TMTC4: variants seen among roughly 807,000 people sequenced by gnomAD.
TMTC4 encodes the protein protein O-mannosyl-transferase TMTC4.
In TMTC4, 65 loss-of-function variants were observed where a neutral mutation model predicts 86.0. That is an observed-to-expected ratio of 0.76 (90% CI 0.62 to 0.93). The LOEUF is 0.93. Among genes scored for constraint, TMTC4 ranks in the 40% least tolerant of loss-of-function variants. The pLI is 0.00. For missense variants in TMTC4, 866 were observed against 948.1 expected, an observed-to-expected ratio of 0.91 and a Z score of 1.14; for synonymous variants, 379 against 382.5, an observed-to-expected ratio of 0.99 and a Z score of 0.11.
intron 10 of TMTC4, 121 bp downstream of exon 10, chr13:100,636,411 A>C: frequency 8.3e-7 from 1 of 1,209,098 alleles, no homozygotes. Context: ...ATAAATATGC[A>C]TTTGAAACAA....
chr13:100,624,575 CAAA>C (rs1880157126), intron 15 of TMTC4: 1 of 6,848 alleles, frequency 1.5e-4, no homozygotes, highest in Non-Finnish European at 5.7e-4. Context: ...CAAAACAAAA[CAAA>C]CAAACAAACA....
chr13:100,631,583 T>C (rs1044610478), intron 12 of TMTC4, among the ~76,000 whole-genome samples: 2 of 152,218 alleles, frequency 1.3e-5, no homozygotes, highest in African/African-American at 4.8e-5. Context: ...GTCTACCATA[T>C]GCAAGGCACT....
At chr13:100,674,381 G>C in intron 1 of TMTC4, 2 of 964,058 alleles carry the variant, frequency 2.1e-6, no homozygotes, top group Non-Finnish European at 2.5e-6. Flanking sequence ...GGGACGCGCC[G>C]CAGGCGCCGG....
chr13:100,661,219 T>C lies in TMTC4; in HGVS notation c.552+1745A>G, dbSNP rs151231360. Among the ~76,000 whole-genome samples, 585 of 152,326 alleles carry C rather than the reference T, an allele frequency of 3.8e-3. 5 individuals carry two copies. Among genetic ancestry groups the C allele is most frequent in the African/African-American group, 0.013 (558 of 41,572 alleles). ...TCAGTTTCCTTTTAACCATCTGGAA[T>C]GTGGACTTTCAAGATTACCATGTTC... On this transcript the variant is annotated intron_variant, in intron 5 of 18. Transcript: ENST00000342624.
upstream of TMTC4, chr13:100,674,827 G>A (rs927938313): frequency 1.0e-6 from 1 of 976,532 alleles, no homozygotes; most frequent in Non-Finnish European, 1.2e-6. Context: ...GGACCTGGCA[G>A]GGGGAGGGGC....
At position 100,662,950 on chromosome 13, in the gene TMTC4, C is replaced by T; in HGVS notation, c.552+14G>A. 2 of 1,612,864 alleles carry T rather than the reference C, an allele frequency of 1.2e-6. No individual in the cohort carries two copies. The highest frequency in any genetic ancestry group is 2.2e-5 in the South Asian group (2 of 90,930). On this transcript the variant is annotated intron_variant, in intron 5 of 18. Coordinates refer to ENST00000342624, the MANE Select transcript of TMTC4 (RefSeq NM_032813.5). ...CTCACGTGCATACAGATGCCTCGGGCAGACGACACTTACACACTCGGTGTG... is the reference window on the plus strand; with the variant it reads ...CTCACGTGCATACAGATGCCTCGGGTAGACGACACTTACACACTCGGTGTG...
chr13:100,659,441 A>C (rs1885502008), intron 5 of TMTC4, among the ~76,000 whole-genome samples: 1 of 152,128 alleles, frequency 6.6e-6, no homozygotes, highest in Admixed American at 6.5e-5. Flanking sequence ...CTACAGGCAG[A>C]ACTCTTAAGG....
At chr13:100,632,825 C>G (rs1052251628) in intron 12 of TMTC4, among the ~76,000 whole-genome samples, 7 of 152,172 alleles carry the variant, frequency 4.6e-5, no homozygotes, top group African/African-American at 1.4e-4. Flanking sequence ...CTCCCCGTCT[C>G]CACCCAGGAG....
intron 12 of TMTC4, among the ~76,000 whole-genome samples, chr13:100,629,949 T>C (rs1379533499): frequency 6.6e-6 from 1 of 152,032 alleles, no homozygotes; most frequent in East Asian, 1.9e-4. Flanking sequence ...CCAACCCTGC[T>C]GACACCCTGA....
intron 6 of TMTC4, among the ~76,000 whole-genome samples, chr13:100,652,886 C>A (rs904542447): frequency 2.6e-5 from 4 of 152,172 alleles, no homozygotes; most frequent in African/African-American, 9.7e-5. Flanking sequence ...TCTTTGTATC[C>A]CCAGCACCGG....
intron 16 of TMTC4, 50 bp downstream of exon 16, chr13:100,614,265 AT>A (rs746342112): frequency 7.2e-7 from 1 of 1,395,428 alleles, no homozygotes; most frequent in Non-Finnish European, 1.0e-6. Flanking sequence ...CTTCGGTGGC[AT>A]TTTACTGTGG....
chr13:100,604,850 C>A lies in TMTC4; in HGVS notation c.*144G>T. On this transcript the variant is annotated 3_prime_UTR_variant, in exon 19 of 19. Transcript: ENST00000342624. Reference sequence around the variant, plus strand: ...AAGAGTATATTGCTGGTGCTATAATCTTTTTGCATGTCTTTGTTTTCATAG... The same window carrying A: ...AAGAGTATATTGCTGGTGCTATAATATTTTTGCATGTCTTTGTTTTCATAG... 1.1e-6 allele frequency: 1 copy of A among 902,952 alleles called. No individual in the cohort carries two copies. The highest frequency in any genetic ancestry group is 1.6e-6 in the Non-Finnish European group (1 of 643,508). The allele number at this position is 902,952 out of a possible 1,614,324, so 55.9% of individuals were successfully genotyped here.
chr13:100,620,746 A>G (rs1879340693), intron 15 of TMTC4, among the ~76,000 whole-genome samples: 1 of 152,198 alleles, frequency 6.6e-6, no homozygotes, highest in African/African-American at 2.4e-5. Flanking sequence ...ATTCCACAAG[A>G]GAACTGCCTT....
At chr13:100,628,280 G>A (rs1441624847) in intron 12 of TMTC4, among the ~76,000 whole-genome samples, 1 of 152,188 alleles carries the variant, frequency 6.6e-6, no homozygotes, top group East Asian at 1.9e-4. Flanking sequence ...CCTCATGTAA[G>A]TGGAATTGTA....
chr13:100,655,236 T>C (rs1594350403), intron 6 of TMTC4, among the ~76,000 whole-genome samples: 1 of 152,258 alleles, frequency 6.6e-6, no homozygotes, highest in East Asian at 1.9e-4. Context: ...TTGGCTATGC[T>C]GGTCTCGAAC....
At chr13:100,656,833 C>T (rs747131676) in intron 5 of TMTC4, among the ~76,000 whole-genome samples, 77 of 152,034 alleles carry the variant, frequency 5.1e-4, no homozygotes, top group Admixed American at 5.9e-4. Context: ...TGTGAGCCAC[C>T]GTGCCTAGCC....
At chr13:100,654,999 GAA>G (rs1884902426) in intron 6 of TMTC4, among the ~76,000 whole-genome samples, 1 of 146,078 alleles carries the variant, frequency 6.8e-6, no homozygotes, top group Non-Finnish European at 1.5e-5. Context: ...TTGTCTTTGA[GAA>G]AAGCCACAAC....
At chr13:100,644,632 G>C (rs1022184514) in intron 6 of TMTC4, among the ~76,000 whole-genome samples, 21 of 152,226 alleles carry the variant, frequency 1.4e-4, no homozygotes, top group African/African-American at 2.6e-4. Flanking sequence ...CAGCTTTTTG[G>C]GGGGAGAATC....
intron 9 of TMTC4, among the ~76,000 whole-genome samples, chr13:100,637,284 G>A (rs899208821): frequency 1.3e-4 from 20 of 152,230 alleles, no homozygotes; most frequent in African/African-American, 3.4e-4. Flanking sequence ...GGACCCTGAT[G>A]TGAGAAGGAA....
Sources: gnomAD v4.1 joint callset for allele counts (sites outside exome capture counted in the v4.1 genomes callset) on GRCh38, gnomAD v4.1.1 for gene constraint, MANE v1.5 for transcripts, NCBI Gene and HGNC (gene_info 2026-07-23, HGNC 2026-07-21) for gene names.